SLBP: variants seen among roughly 807,000 people sequenced by gnomAD.
SLBP encodes the protein stem-loop histone mRNA binding protein.
SLBP carries 29 observed loss-of-function variants against 39.2 expected under a neutral mutation model. That is an observed-to-expected ratio of 0.74 (90% CI 0.55 to 1.01). The LOEUF is 1.01. Among genes scored for constraint, SLBP ranks in the 50% least tolerant of loss-of-function variants. The probability of loss-of-function intolerance (pLI) is 0.00; values close to 1 mark genes in which losing one functional copy is unlikely to be tolerated. For synonymous variants in SLBP, 129 were observed against 118.7 expected (o/e 1.09, Z -0.57); for missense variants, 390 against 350.2 (o/e 1.11, Z -0.91).
In SLBP at chr4:1,712,280, G is replaced by A. The variant is rs532408764; in HGVS notation, c.-92C>T. 4.6e-5 allele frequency: 37 copies of A among 799,324 alleles called. No individual in the cohort carries two copies. The highest frequency in any genetic ancestry group is 8.2e-5 in the Admixed American group (2 of 24,472). The allele number at this position is 799,324 out of a possible 1,614,324, so 49.5% of individuals were successfully genotyped here. On this transcript the variant is annotated 5_prime_UTR_variant, in exon 1 of 8. Coordinates refer to ENST00000489418, the MANE Select transcript of SLBP (RefSeq NM_006527.4). ...CAGAGTAGAGCAGGGCAGGGCCTGA[G>A]GCAGAAACCCGCGTCCCCGCGCCGG...
chr4:1,708,638 T>G (rs142304601), intron 2 of SLBP, among the ~76,000 whole-genome samples: 4 of 152,342 alleles, frequency 2.6e-5, no homozygotes, highest in African/African-American at 9.6e-5. Context: ...AATGACCATA[T>G]ACTACATGCC....
Position 1,692,792 on chromosome 4 carries a change from C to T in SLBP, c.*805G>A, listed in dbSNP as rs1383627144. The T allele has an allele frequency of 2.0e-5, 3 of 152,660 alleles. No homozygotes were observed. Among genetic ancestry groups the T allele is most frequent in the Non-Finnish European group, 4.4e-5 (3 of 68,056 alleles). 9.5% of individuals were successfully genotyped at this position (152,660 alleles called of 1,614,324 possible). A position where few individuals can be genotyped will look rare whatever the true frequency, so the allele number is the denominator to read the frequency against. On this transcript the variant is annotated 3_prime_UTR_variant, in exon 8 of 8. Coordinates refer to ENST00000489418, the MANE Select transcript of SLBP (RefSeq NM_006527.4). Reference sequence around the variant, plus strand: ...TGGCCCACCTGGCAACAGCCCCAGTCAGTGAAAGAGGGTTCTTTCCTTTTT... The same window carrying T: ...TGGCCCACCTGGCAACAGCCCCAGTTAGTGAAAGAGGGTTCTTTCCTTTTT...
chr4:1,706,872 C>T (rs974406691), intron 2 of SLBP, among the ~76,000 whole-genome samples: 1 of 151,924 alleles, frequency 6.6e-6, no homozygotes, highest in African/African-American at 2.4e-5. Context: ...GTGGCTCACA[C>T]CTGTAATCCC....
In SLBP at chr4:1,699,557, A is replaced by T; in HGVS notation, c.479+7T>A. The T allele has an allele frequency of 6.2e-7, 1 of 1,613,962 alleles. No individual in the cohort carries two copies. Among genetic ancestry groups the T allele is most frequent in the Non-Finnish European group, 8.5e-7 (1 of 1,179,864 alleles). On this transcript the variant is annotated splice_region_variant and intron_variant, in intron 5 of 7. Transcript: ENST00000489418. ...TTGTTCAAGACATGCCACTGAAACA[A>T]GACTACCTTGGGACTTCTTTAATAT...
At chr4:1,712,018 C>A in intron 1 of SLBP, 28 bp from the exon 2 acceptor site, 1 of 1,272,086 alleles carries the variant, frequency 7.9e-7, no homozygotes, top group South Asian at 2.5e-5. Flanking sequence ...GTCGGCTGGG[C>A]ACGGGAGGTT....
At chr4:1,706,273 T>G (rs564977709) in intron 2 of SLBP, among the ~76,000 whole-genome samples, 1 of 152,086 alleles carries the variant, frequency 6.6e-6, no homozygotes, top group South Asian at 2.1e-4. Flanking sequence ...AGCAAGAGAC[T>G]CCGTCTCAGA....
At chr4:1,706,679 G>C (rs1716528755) in intron 2 of SLBP, among the ~76,000 whole-genome samples, 1 of 151,772 alleles carries the variant, frequency 6.6e-6, no homozygotes, top group African/African-American at 2.4e-5. Flanking sequence ...GGCAGCGCGT[G>C]TCTGTAATCC....
chr4:1,695,494 A>G (rs532352554), intron 6 of SLBP, among the ~76,000 whole-genome samples: 1 of 152,300 alleles, frequency 6.6e-6, no homozygotes, highest in African/African-American at 2.4e-5. Context: ...CATTTCAACT[A>G]GGCACAAGTT....
intron 2 of SLBP, among the ~76,000 whole-genome samples, chr4:1,703,968 G>A (rs901287181): frequency 6.6e-6 from 1 of 152,152 alleles, no homozygotes; most frequent in Non-Finnish European, 1.5e-5. Context: ...CTAAACTGGA[G>A]TTTAGCAGGA....
Position 1,700,033 on chromosome 4 carries a change from CT to C in SLBP, c.318del (p.Glu107ArgfsTer29), listed in dbSNP as rs1300136587. 5 of 1,600,540 alleles carry C rather than the reference CT, an allele frequency of 3.1e-6. No homozygotes were observed. Among genetic ancestry groups the C allele is most frequent in the Non-Finnish European group, 4.3e-6 (5 of 1,171,402 alleles). On this transcript the variant is annotated frameshift_variant, in exon 4 of 8. Coordinates refer to ENST00000489418, the MANE Select transcript of SLBP (RefSeq NM_006527.4). LOFTEE classifies it high-confidence loss of function. ...KRKLLINDFG[R>X]ERKSSSGSSD... The stretch of plus-strand genomic sequence containing the variant: ...TACCTTCCTGATGATGATTTTCTCT[CT>C]CTTCCAAAGTCATTGATGAGGAGTT...
rs1353694974 is a variant in SLBP at position 1,712,283 on chromosome 4, A to G, written c.-95T>C. 3.9e-6 allele frequency: 3 copies of G among 769,910 alleles called. No homozygotes were observed. The highest frequency in any genetic ancestry group is 5.5e-6 in the Non-Finnish European group (3 of 549,454). The allele number at this position is 769,910 out of a possible 1,614,324, so 47.7% of individuals were successfully genotyped here. A position where few individuals can be genotyped will look rare whatever the true frequency, so the allele number is the denominator to read the frequency against. On this transcript the variant is annotated 5_prime_UTR_variant, in exon 1 of 8. Transcript: ENST00000489418. ...AGTAGAGCAGGGCAGGGCCTGAGGC[A>G]GAAACCCGCGTCCCCGCGCCGGCGC...
At chr4:1,699,976 T>G (rs1437098957) in intron 4 of SLBP, 35 bp downstream of exon 4, 13 of 1,454,398 alleles carry the variant, frequency 8.9e-6, no homozygotes, top group African/African-American at 1.4e-5. Flanking sequence ...TACAGGTCTA[T>G]CAAATTAGAA....
At chr4:1,705,952 T>G (rs973563027) in intron 2 of SLBP, among the ~76,000 whole-genome samples, 27 of 152,108 alleles carry the variant, frequency 1.8e-4, no homozygotes, top group Admixed American at 2.6e-4. Context: ...GGCACTGCAC[T>G]CCAGTCTGGG....
chr4:1,705,436 T>G (rs1716480918), intron 2 of SLBP, among the ~76,000 whole-genome samples: 2 of 152,306 alleles, frequency 1.3e-5, no homozygotes, highest in Non-Finnish European at 1.5e-5. Context: ...CCAGGAGTGT[T>G]TGGATTTGAT....
intron 2 of SLBP, among the ~76,000 whole-genome samples, chr4:1,709,920 T>C (rs1716673331): frequency 1.3e-5 from 2 of 150,698 alleles, no homozygotes; most frequent in Non-Finnish European, 3.0e-5. Flanking sequence ...CTTCTTAAAG[T>C]GATTGTACTC....
In SLBP at chr4:1,712,229, G is replaced by T; in HGVS notation, c.-41C>A. Reference sequence around the variant, plus strand: ...GCGCGCAGCGCAGGGCCGAGGCTGAGGCGGCGGCGGCGCGGGCAGAGAGCG... The same window carrying T: ...GCGCGCAGCGCAGGGCCGAGGCTGATGCGGCGGCGGCGCGGGCAGAGAGCG... On this transcript the variant is annotated 5_prime_UTR_variant, in exon 1 of 8. Coordinates refer to ENST00000489418, the MANE Select transcript of SLBP (RefSeq NM_006527.4). The T allele has an allele frequency of 8.4e-7, 1 of 1,186,930 alleles. No homozygotes were observed. The highest frequency in any genetic ancestry group is 1.1e-6 in the Non-Finnish European group (1 of 931,482). The allele number at this position is 1,186,930 out of a possible 1,614,324, so 73.5% of individuals were successfully genotyped here. A position where few individuals can be genotyped will look rare whatever the true frequency, so the allele number is the denominator to read the frequency against.
intron 2 of SLBP, among the ~76,000 whole-genome samples, chr4:1,710,782 G>A (rs1283598638): frequency 2.0e-5 from 3 of 151,898 alleles, no homozygotes; most frequent in African/African-American, 7.2e-5. Flanking sequence ...GGGCGCGGTG[G>A]CTCACACCTG....
chr4:1,695,175 C>T (rs1716061268), intron 6 of SLBP, among the ~76,000 whole-genome samples: 1 of 152,192 alleles, frequency 6.6e-6, no homozygotes, highest in African/African-American at 2.4e-5. Context: ...ACTAATTTTT[C>T]CAAGTTTCTA....
chr4:1,705,487 T>C (rs1374966730), intron 2 of SLBP, among the ~76,000 whole-genome samples: 3 of 152,240 alleles, frequency 2.0e-5, no homozygotes, highest in Admixed American at 1.3e-4. Context: ...GACTTTAGAC[T>C]ACTTGTTTTA....
Sources: allele counts gnomAD v4.1 joint callset (sites outside exome capture counted in the v4.1 genomes callset), GRCh38; gene constraint gnomAD v4.1.1; transcripts MANE v1.5; gene names NCBI Gene and HGNC (gene_info 2026-07-23, HGNC 2026-07-21).